The following TRIQK variants were observed in gnomAD, a reference collection of about 807,000 sequenced individuals.
TRIQK encodes the protein triple QxxK/R motif-containing protein.
Under a neutral mutation model 10.8 loss-of-function variants are expected in TRIQK, and 10 were observed. That is an observed-to-expected ratio of 0.92 (90% CI 0.57 to 1.57). TRIQK has a LOEUF of 1.57. Among genes scored for constraint, TRIQK ranks in the 40% most tolerant of loss-of-function variants. The pLI, the probability that TRIQK is intolerant of heterozygous loss-of-function variation, is 0.00. For missense variants in TRIQK, 107 were observed against 97.7 expected (o/e 1.09, Z -0.40); for synonymous variants, 33 against 33.7 (o/e 0.98, Z 0.07).
intron 1 of TRIQK, among the ~76,000 whole-genome samples, chr8:92,998,027 T>C (rs1010952411): frequency 1.3e-5 from 2 of 151,944 alleles, no homozygotes; most frequent in African/African-American, 4.8e-5. Flanking sequence ...ACAGAAATAA[T>C]ATATTTCTGT....
intron 1 of TRIQK, among the ~76,000 whole-genome samples, chr8:92,983,057 T>TTTAA (rs1813001378): frequency 6.6e-6 from 1 of 152,034 alleles, no homozygotes; most frequent in Non-Finnish European, 1.5e-5. Context: ...AGATAATGTT[T>TTTAA]TTAAAGTTAC....
intron 2 of TRIQK, among the ~76,000 whole-genome samples, chr8:92,932,214 T>C (rs113456275): frequency 0.03 from 4,630 of 152,252 alleles, 239 homozygotes; most frequent in African/African-American, 0.11. Flanking sequence ...ATTCACTTTA[T>C]ATATTACGCC....
At chr8:93,014,190 C>G (rs1813361619) in intron 1 of TRIQK, among the ~76,000 whole-genome samples, 1 of 151,932 alleles carries the variant, frequency 6.6e-6, no homozygotes, top group African/African-American at 2.4e-5. Flanking sequence ...AATTAGAAAT[C>G]AATTTCGAAT....
intron 2 of TRIQK, among the ~76,000 whole-genome samples, chr8:92,932,019 A>G (rs1810753249): frequency 6.6e-6 from 1 of 152,174 alleles, no homozygotes; most frequent in African/African-American, 2.4e-5. Flanking sequence ...TATTTACAAA[A>G]TCATCCTCTG....
At chr8:92,934,315 T>C (rs1047387640) in intron 2 of TRIQK, among the ~76,000 whole-genome samples, 4 of 151,972 alleles carry the variant, frequency 2.6e-5, no homozygotes, top group African/African-American at 7.2e-5. Context: ...AAACATAGAA[T>C]ACATAAGCAT....
intron 1 of TRIQK, among the ~76,000 whole-genome samples, chr8:92,958,749 T>C (rs751356270): frequency 4.5e-4 from 69 of 151,992 alleles, no homozygotes; most frequent in Non-Finnish European, 9.3e-4. Flanking sequence ...ACAATTCAGG[T>C]CAGGAGTTGG....
At chr8:92,948,035 T>G (rs985894245) in intron 2 of TRIQK, among the ~76,000 whole-genome samples, 6 of 152,134 alleles carry the variant, frequency 3.9e-5, no homozygotes, top group African/African-American at 1.4e-4. Context: ...ATATTCATTC[T>G]CTCCCTTATT....
chr8:92,907,569 G>T (rs1203369812), intron 3 of TRIQK, among the ~76,000 whole-genome samples: 4 of 152,026 alleles, frequency 2.6e-5, no homozygotes, highest in African/African-American at 9.7e-5. Flanking sequence ...TAATATAAAA[G>T]AATTTTCAAA....
At chr8:92,915,048 T>C (rs1207018300) in intron 3 of TRIQK, among the ~76,000 whole-genome samples, 1 of 152,158 alleles carries the variant, frequency 6.6e-6, no homozygotes, top group East Asian at 1.9e-4. Flanking sequence ...GGTCCTGCCA[T>C]TTGGGAAAAC....
intron 2 of TRIQK, among the ~76,000 whole-genome samples, chr8:92,931,267 AT>A (rs1348182417): frequency 6.6e-6 from 1 of 152,080 alleles, no homozygotes; most frequent in African/African-American, 2.4e-5. Context: ...TAAAATTTTT[AT>A]TTTTCTTAAT....
intron 1 of TRIQK, among the ~76,000 whole-genome samples, chr8:92,960,177 C>G (rs1048225468): frequency 1.3e-5 from 2 of 151,886 alleles, no homozygotes; most frequent in African/African-American, 4.8e-5. Flanking sequence ...ATACTCTGTT[C>G]TTTTCTTCAG....
At chr8:92,984,673 CAACTAAA>C (rs1304147378) in intron 1 of TRIQK, among the ~76,000 whole-genome samples, 1 of 152,032 alleles carries the variant, frequency 6.6e-6, no homozygotes, top group Non-Finnish European at 1.5e-5. Flanking sequence ...TATTTTTAAT[CAACTAAA>C]TGGAAACTTA....
At chr8:92,913,317 C>G (rs1459146178) in intron 3 of TRIQK, among the ~76,000 whole-genome samples, 1 of 152,016 alleles carries the variant, frequency 6.6e-6, no homozygotes, top group Non-Finnish European at 1.5e-5. Context: ...AGGATATGAA[C>G]AGACACTTCT....
chr8:92,980,073 G>C (rs546472235), intron 1 of TRIQK, among the ~76,000 whole-genome samples: 3 of 152,074 alleles, frequency 2.0e-5, no homozygotes, highest in Non-Finnish European at 4.4e-5. Flanking sequence ...CATTAGATCT[G>C]ATGTTCACTT....
At chr8:92,990,489 T>G (rs1023575054) in intron 1 of TRIQK, among the ~76,000 whole-genome samples, 3 of 151,574 alleles carry the variant, frequency 2.0e-5, no homozygotes, top group Admixed American at 2.0e-4. Context: ...AGAGCTCCGG[T>G]CTGCAGCTCC....
intron 3 of TRIQK, among the ~76,000 whole-genome samples, chr8:92,899,800 A>G (rs1808822306): frequency 1.3e-5 from 2 of 151,994 alleles, no homozygotes; most frequent in South Asian, 4.1e-4. Context: ...TGGTAGCTCT[A>G]TTTTTAGGTT....
chr8:92,977,688 A>G (rs1265611738), intron 1 of TRIQK, among the ~76,000 whole-genome samples: 1 of 151,936 alleles, frequency 6.6e-6, no homozygotes, highest in Non-Finnish European at 1.5e-5. Context: ...ATATTTTCTT[A>G]TTTGTTTTCA....
intron 2 of TRIQK, among the ~76,000 whole-genome samples, chr8:92,921,827 G>A (rs945506389): frequency 2.6e-5 from 4 of 151,632 alleles, no homozygotes; most frequent in Non-Finnish European, 5.9e-5. Flanking sequence ...CTTTATTAAG[G>A]TTCTAAAACA....
intron 3 of TRIQK, among the ~76,000 whole-genome samples, chr8:92,905,647 AG>A (rs1809215309): frequency 6.6e-6 from 1 of 152,126 alleles, no homozygotes; most frequent in Admixed American, 6.5e-5. Flanking sequence ...AGTTGAGTAG[AG>A]CATGGGACAA....
Sources: allele counts gnomAD v4.1 joint callset (sites outside exome capture counted in the v4.1 genomes callset), GRCh38; gene constraint gnomAD v4.1.1; transcripts MANE v1.5; gene names NCBI Gene and HGNC (gene_info 2026-07-23, HGNC 2026-07-21).